CFDP1: variants seen among roughly 807,000 people sequenced by gnomAD.
CFDP1 encodes the protein heterochromatin-stabilizing protein CFDP1.
In CFDP1, 31 loss-of-function variants were observed where a neutral mutation model predicts 40.1. The observed-to-expected ratio is 0.77, with a 90% CI of 0.58 to 1.04. CFDP1 has a LOEUF of 1.04. CFDP1 is among the 50% of genes least tolerant of loss of function. The probability of loss-of-function intolerance (pLI) is 0.00; values close to 1 mark genes in which losing one functional copy is unlikely to be tolerated. For missense variants in CFDP1, 423 were observed against 343.4 expected, an observed-to-expected ratio of 1.23 and a Z score of -1.83; for synonymous variants, 167 against 120.0, an observed-to-expected ratio of 1.39 and a Z score of -2.56.
rs192325730 is a variant in CFDP1, at chr16:75,295,088, A to G, written c.810-1046T>C. On this transcript the variant is annotated intron_variant, in intron 6 of 6. Transcript: ENST00000283882. ...TCTGCACTAATTTTTCTTTTGTTGC[A>G]CTGTGGAAAATATGCATCTGTCATT... Among the ~76,000 whole-genome samples the G allele has an allele frequency of 1.5e-3, 223 of 152,326 alleles. 2 individuals are homozygous for G. The highest frequency in any genetic ancestry group is 2.1e-3 in the Non-Finnish European group (142 of 68,034).
chr16:75,376,271 C>A (rs556484061), intron 5 of CFDP1, among the ~76,000 whole-genome samples: 1 of 152,148 alleles, frequency 6.6e-6, no homozygotes, highest in Non-Finnish European at 1.5e-5. Context: ...CATGACCTAG[C>A]AATTCCATTC....
chr16:75,428,899 G>A (rs144703881), intron 1 of CFDP1, among the ~76,000 whole-genome samples: 1 of 151,940 alleles, frequency 6.6e-6, no homozygotes, highest in African/African-American at 2.4e-5. Flanking sequence ...GGCAGATCAT[G>A]AGGTCAGGAG....
intron 5 of CFDP1, among the ~76,000 whole-genome samples, chr16:75,316,172 G>A (rs1331762802): frequency 6.6e-6 from 1 of 152,284 alleles, no homozygotes; most frequent in Admixed American, 6.5e-5. Context: ...ACTAGTGTCA[G>A]GTCAGCCCAT....
At chr16:75,347,911 A>T (rs1369216408) in intron 5 of CFDP1, among the ~76,000 whole-genome samples, 1 of 152,208 alleles carries the variant, frequency 6.6e-6, no homozygotes, top group East Asian at 1.9e-4. Context: ...ACTCTACAAA[A>T]TACCTGGCCA....
chr16:75,383,380 G>A (rs1211752706), intron 5 of CFDP1, among the ~76,000 whole-genome samples: 1 of 152,162 alleles, frequency 6.6e-6, no homozygotes, highest in South Asian at 2.1e-4. Context: ...GCCTTTTTAA[G>A]AACTTTAATC....
intron 5 of CFDP1, among the ~76,000 whole-genome samples, chr16:75,343,415 T>C (rs1261960056): frequency 6.6e-6 from 1 of 152,142 alleles, no homozygotes; most frequent in Non-Finnish European, 1.5e-5. Context: ...ACACTAAATG[T>C]GTTGACTCCA....
At chr16:75,341,354 T>C (rs1331576474) in intron 5 of CFDP1, among the ~76,000 whole-genome samples, 2 of 152,232 alleles carry the variant, frequency 1.3e-5, no homozygotes, top group Admixed American at 6.5e-5. Context: ...GATTCAAAGT[T>C]ATTAATAACC....
At chr16:75,376,758 G>A (rs532321372) in intron 5 of CFDP1, among the ~76,000 whole-genome samples, 15 of 152,264 alleles carry the variant, frequency 9.9e-5, no homozygotes, top group East Asian at 5.8e-4. Flanking sequence ...GGGCAGAAGC[G>A]GCTTTCTGTA....
At chr16:75,348,111 A>C (rs1032189697) in intron 5 of CFDP1, among the ~76,000 whole-genome samples, 1 of 152,144 alleles carries the variant, frequency 6.6e-6, no homozygotes, top group African/African-American at 2.4e-5. Flanking sequence ...GCGCTGTACC[A>C]ATGTTAATTT....
intron 5 of CFDP1, 63 bp downstream of exon 5, chr16:75,395,027 T>C (rs2078984541): frequency 4.4e-6 from 7 of 1,598,864 alleles, no homozygotes; most frequent in Non-Finnish European, 6.0e-6. Flanking sequence ...CGAAAGTAGG[T>C]ATTTGCACTG....
At chr16:75,318,941 T>C (rs187748844) in intron 5 of CFDP1, among the ~76,000 whole-genome samples, 143 of 152,374 alleles carry the variant, frequency 9.4e-4, no homozygotes, top group African/African-American at 3.3e-3. Flanking sequence ...AAGTCATGCC[T>C]GCCCCTTTCT....
intron 6 of CFDP1, among the ~76,000 whole-genome samples, chr16:75,300,790 A>C (rs1205798844): frequency 1.3e-5 from 2 of 151,216 alleles, no homozygotes; most frequent in African/African-American, 4.9e-5. Context: ...GGCAGGGGAT[A>C]CTTTTTTTTT....
intron 4 of CFDP1, among the ~76,000 whole-genome samples, chr16:75,408,888 C>T (rs62062565): frequency 0.52 from 78,674 of 151,676 alleles, 21,456 homozygotes; most frequent in Admixed American, 0.64. Flanking sequence ...GACAGAGTCT[C>T]GCTCTGTTGC....
chr16:75,369,931 G>GTAT (rs993288988), intron 5 of CFDP1, among the ~76,000 whole-genome samples: 33 of 151,530 alleles, frequency 2.2e-4, no homozygotes, highest in South Asian at 6.3e-4. Context: ...GCTAATTTTT[G>GTAT]TATTATTATT....
intron 1 of CFDP1, among the ~76,000 whole-genome samples, chr16:75,426,858 C>T (rs2079347882): frequency 6.6e-6 from 1 of 151,956 alleles, no homozygotes; most frequent in Non-Finnish European, 1.5e-5. Flanking sequence ...AGTTGGAGAC[C>T]AGCCTGGCAA....
At chr16:75,397,448 G>A (rs569980396) in intron 4 of CFDP1, among the ~76,000 whole-genome samples, 2 of 151,988 alleles carry the variant, frequency 1.3e-5, no homozygotes, top group Non-Finnish European at 2.9e-5. Context: ...AGAGGTTGCA[G>A]TGAGCCAAGA....
At chr16:75,373,831 T>C (rs2078771640) in intron 5 of CFDP1, among the ~76,000 whole-genome samples, 1 of 152,118 alleles carries the variant, frequency 6.6e-6, no homozygotes, top group African/African-American at 2.4e-5. Flanking sequence ...AGCATTTCCA[T>C]TTGAGAAAAA....
At chr16:75,423,147 G>A (rs1309161617) in intron 1 of CFDP1, among the ~76,000 whole-genome samples, 4 of 151,854 alleles carry the variant, frequency 2.6e-5, no homozygotes, top group Non-Finnish European at 4.4e-5. Flanking sequence ...CGGGCCTTGT[G>A]GTGGGTGCCT....
At chr16:75,367,664 G>A (rs893865244) in intron 5 of CFDP1, among the ~76,000 whole-genome samples, 3 of 151,514 alleles carry the variant, frequency 2.0e-5, no homozygotes, top group South Asian at 4.2e-4. Flanking sequence ...GTGGTGGCAG[G>A]AGCCTGAAAT....
Sources: gnomAD v4.1 joint callset for allele counts (sites outside exome capture counted in the v4.1 genomes callset) on GRCh38, gnomAD v4.1.1 for gene constraint, MANE v1.5 for transcripts, NCBI Gene and HGNC (gene_info 2026-07-23, HGNC 2026-07-21) for gene names.